The following PTGFR variants were observed in gnomAD, a reference collection of about 807,000 sequenced individuals.
The protein encoded by PTGFR is prostaglandin F2-alpha receptor.
PTGFR carries 15 observed loss-of-function variants against 26.2 expected under a neutral mutation model. That is an observed-to-expected ratio of 0.57 (90% CI 0.38 to 0.88). The LOEUF (loss-of-function observed/expected upper bound fraction) is 0.88. Ranked by LOEUF, PTGFR falls within the 40% of genes least tolerant of loss-of-function variation. The probability of loss-of-function intolerance (pLI) is 0.00; values close to 1 mark genes in which losing one functional copy is unlikely to be tolerated. For missense variants in PTGFR, 369 were observed against 427.2 expected, an observed-to-expected ratio of 0.86 and a Z score of 1.20; for synonymous variants, 165 against 151.1, an observed-to-expected ratio of 1.09 and a Z score of -0.68.
At chr1:78,536,031 T>C (rs1295340967) in intron 2 of PTGFR, among the ~76,000 whole-genome samples, 1 of 152,190 alleles carries the variant, frequency 6.6e-6, no homozygotes, top group Non-Finnish European at 1.5e-5. Context: ...TTAGCTTATC[T>C]ATAATTTATT....
At chr1:78,508,464 C>T (rs1204749012) in intron 2 of PTGFR, among the ~76,000 whole-genome samples, 1 of 152,160 alleles carries the variant, frequency 6.6e-6, no homozygotes, top group Non-Finnish European at 1.5e-5. Flanking sequence ...TCATGCCCTT[C>T]ATTAGGAGTG....
intron 2 of PTGFR, among the ~76,000 whole-genome samples, chr1:78,496,530 A>G (rs1649556642): frequency 6.6e-6 from 1 of 152,156 alleles, no homozygotes; most frequent in Non-Finnish European, 1.5e-5. Flanking sequence ...GCCAGTGTTC[A>G]CAGTCATTTT....
chr1:78,506,259 C>T (rs1649826015), intron 2 of PTGFR, among the ~76,000 whole-genome samples: 1 of 151,726 alleles, frequency 6.6e-6, no homozygotes, highest in Non-Finnish European at 1.5e-5. Context: ...GTCATGGTAA[C>T]TCATTGTAGT....
At chr1:78,493,766 T>A (rs1355810583) in intron 2 of PTGFR, among the ~76,000 whole-genome samples, 2 of 152,254 alleles carry the variant, frequency 1.3e-5, no homozygotes, top group African/African-American at 4.8e-5. Context: ...ACCATAGTGT[T>A]AGCTTCCTGC....
chr1:78,496,274 T>C (rs1321389687), intron 2 of PTGFR, among the ~76,000 whole-genome samples: 2 of 152,190 alleles, frequency 1.3e-5, no homozygotes, highest in African/African-American at 4.8e-5. Flanking sequence ...TTTTTTTCTC[T>C]CACATATCTA....
chr1:78,516,849 G>C (rs1017849267), intron 2 of PTGFR, among the ~76,000 whole-genome samples: 8 of 152,088 alleles, frequency 5.3e-5, no homozygotes, highest in Non-Finnish European at 1.2e-4. Flanking sequence ...AGTGTTGCGA[G>C]GAACCAGTCA....
chr1:78,501,542 G>T (rs1219500926), intron 2 of PTGFR, among the ~76,000 whole-genome samples: 1 of 152,178 alleles, frequency 6.6e-6, no homozygotes, highest in African/African-American at 2.4e-5. Flanking sequence ...AGGCAGGGAG[G>T]TGTTTTTTTC....
intron 2 of PTGFR, among the ~76,000 whole-genome samples, chr1:78,513,100 C>G (rs554424355): frequency 1.3e-5 from 2 of 152,214 alleles, no homozygotes; most frequent in Admixed American, 6.5e-5. Flanking sequence ...AAAGGACTAA[C>G]ACAGAAAATT....
Position 78,496,113 on chromosome 1 carries a change from A to C in PTGFR, c.798+2572A>C, listed in dbSNP as rs146541887. Among the ~76,000 whole-genome samples the C allele has an allele frequency of 2.4e-3, 372 of 152,268 alleles. 4 individuals carry two copies. The highest frequency in any genetic ancestry group is 8.7e-3 in the African/African-American group (362 of 41,554). On this transcript the variant is annotated intron_variant, in intron 2 of 2. Transcript: ENST00000370757. ...GAGTCTTCATGAAAATTTCTGACTG[A>C]AAGATTTTGTCAGAACTTTGGTGGT...
intron 2 of PTGFR, among the ~76,000 whole-genome samples, chr1:78,495,511 AT>A (rs151151757): frequency 0.074 from 11,217 of 152,320 alleles, 530 homozygotes; most frequent in South Asian, 0.12. Context: ...GTGGCTAAAA[AT>A]GTTTAAATAA....
chr1:78,540,448 C>T lies in PTGFR; in HGVS notation c.*3761C>T, dbSNP rs536021781. Among the ~76,000 whole-genome samples, 34 of 152,022 alleles carry T rather than the reference C, an allele frequency of 2.2e-4. No individual in the cohort carries two copies. The highest frequency in any genetic ancestry group is 4.4e-4 in the Non-Finnish European group (30 of 67,988). ...AAAAGTTGTTTTAAACATTTAGAAACATCATGGCATAGAAACATTTAGGAC... is the reference window on the plus strand; with the variant it reads ...AAAAGTTGTTTTAAACATTTAGAAATATCATGGCATAGAAACATTTAGGAC... On this transcript the variant is annotated 3_prime_UTR_variant, in exon 3 of 3. Transcript: ENST00000370757.
At chr1:78,526,612 A>G (rs979353334) in intron 2 of PTGFR, among the ~76,000 whole-genome samples, 1 of 152,120 alleles carries the variant, frequency 6.6e-6, no homozygotes, top group Non-Finnish European at 1.5e-5. Context: ...TTTATAATAT[A>G]GCTCTCAAGA....
intron 2 of PTGFR, among the ~76,000 whole-genome samples, chr1:78,528,293 G>GAAAAAAAAAA: frequency 6.6e-5 from 1 of 15,100 alleles, no homozygotes; most frequent in African/African-American, 3.0e-4. Context: ...CAGAAAGTTA[G>GAAAAAAAAAA]CAAAAAAAAA....
intron 2 of PTGFR, among the ~76,000 whole-genome samples, chr1:78,529,559 A>T (rs1018820940): frequency 8.5e-5 from 13 of 152,196 alleles, no homozygotes; most frequent in African/African-American, 3.1e-4. Context: ...TACAAATATA[A>T]GATTTTATAG....
chr1:78,533,494 C>T (rs1389566706), intron 2 of PTGFR, among the ~76,000 whole-genome samples: 1 of 152,104 alleles, frequency 6.6e-6, no homozygotes. Context: ...AAATGGAGCC[C>T]ATTGTTTCCT....
chr1:78,531,676 C>T (rs1052394167), intron 2 of PTGFR, among the ~76,000 whole-genome samples: 1 of 151,982 alleles, frequency 6.6e-6, no homozygotes, highest in African/African-American at 2.4e-5. Flanking sequence ...TTAAATCCAA[C>T]TTGACTCTTT....
chr1:78,513,347 G>C (rs868709237), intron 2 of PTGFR, among the ~76,000 whole-genome samples: 2 of 152,186 alleles, frequency 1.3e-5, no homozygotes, highest in Admixed American at 6.5e-5. Context: ...AAGTTAATGG[G>C]AGCTGGTGTG....
chr1:78,540,023 GA>G lies in PTGFR; in HGVS notation c.*3339del, dbSNP rs150851122. On this transcript the variant is annotated 3_prime_UTR_variant, in exon 3 of 3. Transcript: ENST00000370757. ...AAAAGCCTCAATGTGTCTGTAATAA[GA>G]AACAATCTCCAAATTACAGCGCCAT... Among the ~76,000 whole-genome samples the G allele has an allele frequency of 0.013, 1,988 of 152,138 alleles. 18 individuals carry two copies. Among genetic ancestry groups the G allele is most frequent in the South Asian group, 0.025 (123 of 4,826 alleles).
Position 78,539,619 on chromosome 1 carries a change from G to C in PTGFR, c.*2932G>C, listed in dbSNP as rs1650743240. ...TATGTTGTGCTCTTCATACTTGTTG[G>C]ATTGTATAGAGATTAAATAGTGATA... is the stretch of plus-strand genomic sequence containing the variant. On this transcript the variant is annotated 3_prime_UTR_variant, in exon 3 of 3. Coordinates refer to ENST00000370757, the MANE Select transcript of PTGFR (RefSeq NM_000959.4). 1 of 152,460 alleles carries C rather than the reference G, an allele frequency of 6.6e-6. No homozygotes were observed. Among genetic ancestry groups the C allele is most frequent in the Non-Finnish European group, 1.5e-5 (1 of 67,992 alleles). The allele number at this position is 152,460 out of a possible 1,614,324, so 9.4% of individuals were successfully genotyped here. A position where few individuals can be genotyped will look rare whatever the true frequency, so the allele number is the denominator to read the frequency against.
Sources: allele counts gnomAD v4.1 joint callset (sites outside exome capture counted in the v4.1 genomes callset), GRCh38; gene constraint gnomAD v4.1.1; transcripts MANE v1.5; gene names NCBI Gene and HGNC (gene_info 2026-07-23, HGNC 2026-07-21).